KIAA1328: variants seen among roughly 807,000 people sequenced by gnomAD.
KIAA1328 encodes the protein KIAA1328.
KIAA1328 carries 52 observed loss-of-function variants against 68.1 expected under a neutral mutation model. The observed-to-expected ratio is 0.76, with a 90% CI of 0.61 to 0.96. KIAA1328 has a LOEUF of 0.96. Ranked by LOEUF, KIAA1328 falls within the 40% of genes least tolerant of loss-of-function variation. The probability of loss-of-function intolerance (pLI) is 0.00; values close to 1 mark genes in which losing one functional copy is unlikely to be tolerated. For synonymous variants in KIAA1328, 232 were observed against 239.4 expected (o/e 0.97, Z 0.28); for missense variants, 641 against 677.6 (o/e 0.95, Z 0.60).
At chr18:37,067,603 C>T (rs2056389908) in intron 7 of KIAA1328, 58 bp downstream of exon 7, 1 of 1,432,324 alleles carries the variant, frequency 7.0e-7, no homozygotes, top group Non-Finnish European at 9.1e-7. Context: ...CCCTGTTGCC[C>T]AGGCTGGAGT....
At chr18:36,904,588 TA>T (rs1183074267) in intron 5 of KIAA1328, among the ~76,000 whole-genome samples, 1 of 152,144 alleles carries the variant, frequency 6.6e-6, no homozygotes, top group Non-Finnish European at 1.5e-5. Flanking sequence ...TTATATGCTA[TA>T]ACTTTTAAAC....
intron 6 of KIAA1328, among the ~76,000 whole-genome samples, chr18:37,061,083 C>CA (rs2056128986): frequency 6.6e-6 from 1 of 152,124 alleles, no homozygotes; most frequent in Admixed American, 6.6e-5. Flanking sequence ...CCACTGCACT[C>CA]CAGCCTGGGC....
chr18:37,136,477 G>A (rs80223387), intron 7 of KIAA1328, among the ~76,000 whole-genome samples: 1,630 of 152,304 alleles, frequency 0.011, 17 homozygotes, highest in Middle Eastern at 0.034. Context: ...ATCTAAGAAT[G>A]ACTGTGGATG....
intron 4 of KIAA1328, among the ~76,000 whole-genome samples, chr18:36,879,553 C>T (rs943243697): frequency 3.9e-5 from 6 of 152,216 alleles, no homozygotes; most frequent in Non-Finnish European, 8.8e-5. Context: ...AGAGCTTGAG[C>T]ACTATGCTGG....
At chr18:36,916,572 A>G (rs938148853) in intron 5 of KIAA1328, among the ~76,000 whole-genome samples, 7 of 151,956 alleles carry the variant, frequency 4.6e-5, no homozygotes, top group African/African-American at 1.4e-4. Context: ...TATTTTTTAA[A>G]TGCTGCTACC....
At chr18:36,972,643 A>T (rs2052274507) in intron 6 of KIAA1328, among the ~76,000 whole-genome samples, 1 of 152,220 alleles carries the variant, frequency 6.6e-6, no homozygotes, top group African/African-American at 2.4e-5. Context: ...CAGTTAACTT[A>T]CATAAAAAAG....
chr18:36,859,692 C>G (rs189495865), intron 4 of KIAA1328, among the ~76,000 whole-genome samples: 1 of 152,096 alleles, frequency 6.6e-6, no homozygotes, highest in Admixed American at 6.5e-5. Flanking sequence ...TCAAGCTCTC[C>G]TCCTGCCTCA....
chr18:36,888,569 GT>G (rs543049421), intron 5 of KIAA1328, among the ~76,000 whole-genome samples: 2 of 151,810 alleles, frequency 1.3e-5, no homozygotes, highest in South Asian at 4.2e-4. Flanking sequence ...ACTGGTTTAA[GT>G]TTTTTTTAAT....
chr18:36,852,796 A>G (rs1406346734), intron 4 of KIAA1328, among the ~76,000 whole-genome samples: 3 of 152,222 alleles, frequency 2.0e-5, no homozygotes, highest in African/African-American at 7.2e-5. Flanking sequence ...AGTCTCAAAC[A>G]GTAACAGTAG....
At chr18:36,877,302 A>C (rs1007387506) in intron 4 of KIAA1328, among the ~76,000 whole-genome samples, 1 of 151,922 alleles carries the variant, frequency 6.6e-6, no homozygotes, top group Non-Finnish European at 1.5e-5. Context: ...ATTGTGTGGG[A>C]GTCTAAGTCT....
In KIAA1328 at chr18:37,020,540, G is replaced by A. The variant is rs115020475; in HGVS notation, c.577-46350G>A. On this transcript the variant is annotated intron_variant, in intron 6 of 9. Coordinates refer to ENST00000280020, the MANE Select transcript of KIAA1328 (RefSeq NM_020776.3). Reference sequence around the variant, plus strand: ...CAGAATACTGTATATAAATTTAGACGAACAGGAATTTTTCAGAATGGTAAA... The same window carrying A: ...CAGAATACTGTATATAAATTTAGACAAACAGGAATTTTTCAGAATGGTAAA... Among the ~76,000 whole-genome samples the A allele has an allele frequency of 2.4e-3, 361 of 152,254 alleles. 1 individual carries two copies. Among genetic ancestry groups the A allele is most frequent in the African/African-American group, 8.1e-3 (338 of 41,568 alleles).
intron 9 of KIAA1328, among the ~76,000 whole-genome samples, chr18:37,216,310 G>C (rs1439018181): frequency 2.6e-5 from 4 of 152,066 alleles, no homozygotes; most frequent in East Asian, 1.9e-4. Context: ...TCTACACACT[G>C]CTTTAAATAT....
intron 9 of KIAA1328, among the ~76,000 whole-genome samples, chr18:37,185,285 G>A (rs2059774895): frequency 6.6e-6 from 1 of 152,162 alleles, no homozygotes; most frequent in Non-Finnish European, 1.5e-5. Context: ...AAGGGACCCG[G>A]TACAGTTTAC....
chr18:37,036,632 G>A (rs368505126), intron 6 of KIAA1328, among the ~76,000 whole-genome samples: 1 of 152,170 alleles, frequency 6.6e-6, no homozygotes, highest in South Asian at 2.1e-4. Context: ...ACAGCCACCT[G>A]CTCTTTTTAT....
chr18:37,203,605 T>C (rs1319259950), intron 9 of KIAA1328, among the ~76,000 whole-genome samples: 2 of 152,188 alleles, frequency 1.3e-5, no homozygotes, highest in African/African-American at 4.8e-5. Flanking sequence ...ATTTTAATGT[T>C]AAGTACCAGG....
intron 5 of KIAA1328, among the ~76,000 whole-genome samples, chr18:36,907,588 A>T (rs921222329): frequency 3.9e-5 from 6 of 152,144 alleles, no homozygotes; most frequent in African/African-American, 1.4e-4. Flanking sequence ...AATATTAACC[A>T]GCTTTGCATT....
At chr18:37,227,945 CATT>C (rs1282771881), downstream of KIAA1328, among the ~76,000 whole-genome samples, 1 of 152,020 alleles carries the variant, frequency 6.6e-6, no homozygotes, top group Non-Finnish European at 1.5e-5. Flanking sequence ...CCATTAAGAA[CATT>C]TGTGATTCAT....
chr18:37,106,352 A>T (rs1048209074), intron 7 of KIAA1328, among the ~76,000 whole-genome samples: 1 of 152,052 alleles, frequency 6.6e-6, no homozygotes, highest in African/African-American at 2.4e-5. Context: ...GCCAATGGAT[A>T]TGAAGTTTCT....
intron 5 of KIAA1328, among the ~76,000 whole-genome samples, chr18:36,942,925 C>A (rs1489481192): frequency 1.3e-5 from 2 of 152,128 alleles, no homozygotes; most frequent in Non-Finnish European, 2.9e-5. Flanking sequence ...AGAACATTCC[C>A]AAATTTTATT....
Sources: allele counts gnomAD v4.1 joint callset (sites outside exome capture counted in the v4.1 genomes callset), GRCh38; gene constraint gnomAD v4.1.1; transcripts MANE v1.5; gene names NCBI Gene and HGNC (gene_info 2026-07-23, HGNC 2026-07-21).